Variants in HARBI1 observed in about 807,000 individuals in gnomAD.
The protein encoded by HARBI1 is harbinger transposase derived 1, also known as putative nuclease HARBI1.
A neutral mutation model predicts 25.3 loss-of-function variants in HARBI1; 15 were observed. That is an observed-to-expected ratio of 0.59 (90% CI 0.40 to 0.91). HARBI1 has a LOEUF of 0.91. Ranked by LOEUF, HARBI1 falls within the 40% of genes least tolerant of loss-of-function variation. The probability of loss-of-function intolerance (pLI) is 0.00; values close to 1 mark genes in which losing one functional copy is unlikely to be tolerated. For missense variants in HARBI1, 396 were observed against 445.8 expected (o/e 0.89, Z 1.01); for synonymous variants, 168 against 160.5 (o/e 1.05, Z -0.35).
intron 2 of HARBI1, among the ~76,000 whole-genome samples, chr11:46,612,225 C>G (rs147643436): frequency 0.01 from 1,527 of 152,036 alleles, 8 homozygotes; most frequent in Non-Finnish European, 0.016. Flanking sequence ...GTATTATGAG[C>G]CTGGGCTGAG....
intron 2 of HARBI1, among the ~76,000 whole-genome samples, chr11:46,606,557 G>A (rs919890135): frequency 3.3e-5 from 5 of 151,458 alleles, no homozygotes; most frequent in African/African-American, 9.7e-5. Flanking sequence ...CAGATGATCC[G>A]CTCCCTTTGG....
At chr11:46,611,004 C>CTTTTTTTT (rs1308203480) in intron 2 of HARBI1, among the ~76,000 whole-genome samples, 1 of 106,958 alleles carries the variant, frequency 9.3e-6, no homozygotes, top group African/African-American at 3.9e-5. Context: ...TTATTTAACT[C>CTTTTTTTT]TTTTTTTTTT....
At position 46,616,089 on chromosome 11, in the gene HARBI1, A is replaced by C; in HGVS notation, c.149T>G (p.Val50Gly). The C allele has an allele frequency of 6.2e-7, 1 of 1,614,208 alleles. No individual in the cohort carries two copies. Among genetic ancestry groups the C allele is most frequent in the Non-Finnish European group, 8.5e-7 (1 of 1,180,040 alleles). Reference protein sequence around the residue: ...GFPRQFIYYLVELLGANLSRP... With the variant: ...GFPRQFIYYLGELLGANLSRP... ...AGAAAGATTCGCCCCCAAGAGCTCC[A>C]CCAAGTAATAAATGAACTGCCGTGG... The change falls in exon 2 of 3, where the codon GTG becomes GGG. Residue 50 changes from valine to glycine, a missense_variant. Coordinates refer to ENST00000326737, the MANE Select transcript of HARBI1 (RefSeq NM_173811.4).
chr11:46,605,907 T>G (rs1210790907), intron 2 of HARBI1, among the ~76,000 whole-genome samples: 8 of 151,544 alleles, frequency 5.3e-5, no homozygotes, highest in African/African-American at 1.5e-4. Context: ...TTGTTTGTTT[T>G]TTTGAGAGTC....
At chr11:46,608,866 C>T (rs369166818) in intron 2 of HARBI1, among the ~76,000 whole-genome samples, 22 of 151,366 alleles carry the variant, frequency 1.5e-4, no homozygotes, top group Admixed American at 4.0e-4. Context: ...CTGCCTGCCT[C>T]GGCCTCCCAA....
intron 2 of HARBI1, among the ~76,000 whole-genome samples, chr11:46,611,403 T>C (rs1057054850): frequency 6.6e-6 from 1 of 152,168 alleles, no homozygotes; most frequent in Admixed American, 6.5e-5. Flanking sequence ...GGCTAAGTTT[T>C]AGCTGGCTTA....
At position 46,603,863 on chromosome 11, in the gene HARBI1, G is replaced by A. The variant is rs1262300134; in HGVS notation, c.717C>T (p.His239=). Residue 239 remains histidine, a synonymous_variant, in exon 3 of 3, where the codon CAC becomes CAT. Coordinates refer to ENST00000326737, the MANE Select transcript of HARBI1 (RefSeq NM_173811.4). ...GATATTCTGCTGGAGTTTCAGGAAT[G>A]TGAAGTGGGGTCATGAGCCAGGTTC... ...FLRTWLMTPL[H]IPETPAEYRY... The A allele has an allele frequency of 6.2e-7, 1 of 1,613,896 alleles. No homozygotes were observed. The highest frequency in any genetic ancestry group is 2.2e-5 in the East Asian group (1 of 44,908).
chr11:46,611,326 G>A (rs1170065941), intron 2 of HARBI1, among the ~76,000 whole-genome samples: 1 of 152,126 alleles, frequency 6.6e-6, no homozygotes. Context: ...CTCTTAAAGA[G>A]TTTTTATAAG....
At chr11:46,612,402 AAAAC>A (rs1211249854) in intron 2 of HARBI1, among the ~76,000 whole-genome samples, 2 of 152,174 alleles carry the variant, frequency 1.3e-5, no homozygotes, top group African/African-American at 4.8e-5. Flanking sequence ...CATTAAAAAA[AAAAC>A]AAACCCAAAA....
In HARBI1 at chr11:46,616,288, A is replaced by G. The variant is rs2045456820; in HGVS notation, c.-51T>C. On this transcript the variant is annotated 5_prime_UTR_variant, in exon 2 of 3. Transcript: ENST00000326737. ...CTTTGCTTTTTCTGAACTGTTCCCA[A>G]TGAAGATGTTGGTGCAAGAACGTAT... is the stretch of plus-strand genomic sequence containing the variant. The G allele has an allele frequency of 3.9e-6, 6 of 1,551,130 alleles. No homozygotes were observed. The highest frequency in any genetic ancestry group is 3.4e-4 in the Middle Eastern group (2 of 5,806).
upstream of HARBI1, chr11:46,617,445 A>T (rs560142974): frequency 1.1e-5 from 2 of 187,770 alleles, no homozygotes; most frequent in Admixed American, 1.2e-4. Flanking sequence ...ACTTTTATGG[A>T]TATTTTGAGG....
chr11:46,616,097 A>C lies in HARBI1; in HGVS notation c.141T>G (p.Tyr47Ter). 1.2e-6 allele frequency: 2 copies of C among 1,614,222 alleles called. No homozygotes were observed. Among genetic ancestry groups the C allele is most frequent in the South Asian group, 2.2e-5 (2 of 91,090 alleles). Residue 47 changes from tyrosine to a stop codon, truncating the protein, a stop_gained, in exon 2 of 3, where the codon TAT (tyrosine) becomes TAG (stop). Transcript: ENST00000326737. LOFTEE classifies it high-confidence loss of function. ...TCGCCCCCAAGAGCTCCACCAAGTA[A>C]TAAATGAACTGCCGTGGAAACCCAT... The part of the protein sequence containing the change: ...SMYGFPRQFI[Y>*]YLVELLGANL...
Position 46,616,069 on chromosome 11 carries a change from G to A in HARBI1, c.169C>T (p.Leu57Phe). 2.5e-6 allele frequency: 4 copies of A among 1,614,200 alleles called. No homozygotes were observed. The highest frequency in any genetic ancestry group is 3.4e-6 in the Non-Finnish European group (4 of 1,180,036). Residue 57 changes from leucine to phenylalanine, a missense_variant, in exon 2 of 3, where the codon CTT becomes TTT. By Grantham distance (22) the Leu-to-Phe change is conservative. Coordinates refer to ENST00000326737, the MANE Select transcript of HARBI1 (RefSeq NM_173811.4). ...YYLVELLGAN[L>F]SRPTQRSRAI... ...CTGGATCGCTGAGTAGGCCTAGAAA[G>A]ATTCGCCCCCAAGAGCTCCACCAAG...
chr11:46,617,732 C>T, upstream of HARBI1: 1 of 398,242 alleles, frequency 2.5e-6, no homozygotes, highest in East Asian at 3.6e-5. Flanking sequence ...GGCCTGCGAG[C>T]CAGGACCCTT....
At position 46,603,794 on chromosome 11, in the gene HARBI1, C is replaced by G. The variant is rs1418347532; in HGVS notation, c.786G>C (p.Lys262Asn). 6.2e-7 allele frequency: 1 copy of G among 1,614,026 alleles called. No individual in the cohort carries two copies. Among genetic ancestry groups the G allele is most frequent in the Non-Finnish European group, 8.5e-7 (1 of 1,180,038 alleles). Residue 262 changes from lysine to asparagine, a missense_variant, in exon 3 of 3, where the codon AAG becomes AAC. Lys to Asn is a moderately conservative substitution (Grantham distance 94, BLOSUM62 0). Transcript: ENST00000326737. ...AHSATHSVIEKTFRTLCSRFR... is the reference protein window; with the variant it reads ...AHSATHSVIENTFRTLCSRFR... ...ATCGGGAGCAGAGGGTTCGGAAAGT[C>G]TTCTCAATCACACTGTGAGTTGCAG...
Position 46,603,698 on chromosome 11 carries a change from G to A in HARBI1, c.882C>T (p.Ala294=), listed in dbSNP as rs758160529. 1.9e-6 allele frequency: 3 copies of A among 1,614,052 alleles called. No homozygotes were observed. The highest frequency in any genetic ancestry group is 1.3e-5 in the African/African-American group (1 of 74,934). The change falls in exon 3 of 3, where the codon GCC becomes GCT. Residue 294 remains alanine, a synonymous_variant. Transcript: ENST00000326737. ...SPEKSSHIIL[A]CCVLHNISLE... is the part of the protein sequence containing the mutation. ...GGGAGATGTTGTGGAGGACACAACA[G>A]GCCAAGATGATATGGCTGGATTTCT...
Position 46,616,342 on chromosome 11 carries a change from T to C in HARBI1, c.-105A>G. 1 of 1,492,516 alleles carries C rather than the reference T, an allele frequency of 6.7e-7. No individual in the cohort carries two copies. The allele number at this position is 1,492,516 out of a possible 1,614,324, so 92.5% of individuals were successfully genotyped here. On this transcript the variant is annotated 5_prime_UTR_variant, in exon 2 of 3. It removes the in-frame stop codon of an upstream open reading frame in the 5' UTR. Coordinates refer to ENST00000326737, the MANE Select transcript of HARBI1 (RefSeq NM_173811.4). Reference sequence around the variant, plus strand: ...TAAGAAAGTATCAGAATCCAACAGCTAACCACAGTTAAATGGCTCTGCCAT... The same window carrying C: ...TAAGAAAGTATCAGAATCCAACAGCCAACCACAGTTAAATGGCTCTGCCAT...
intron 2 of HARBI1, 54 bp downstream of exon 2, chr11:46,615,514 A>C (rs1020650385): frequency 1.3e-6 from 2 of 1,495,850 alleles, no homozygotes; most frequent in African/African-American, 1.4e-5. Flanking sequence ...CCCCCAGCCT[A>C]CATAACTTTT....
At position 46,603,097 on chromosome 11, in the gene HARBI1, G is replaced by T. The variant is rs559946083; in HGVS notation, c.*433C>A. ...TGAACTCAGGTGATCCGCCCGCCTCGGCCTCCCAAAGTGCTGGGATTACAG... is the reference window on the plus strand; with the variant it reads ...TGAACTCAGGTGATCCGCCCGCCTCTGCCTCCCAAAGTGCTGGGATTACAG... On this transcript the variant is annotated 3_prime_UTR_variant, in exon 3 of 3. Coordinates refer to ENST00000326737, the MANE Select transcript of HARBI1 (RefSeq NM_173811.4). The T allele has an allele frequency of 6.5e-6, 1 of 153,502 alleles. No homozygotes were observed. Among genetic ancestry groups the T allele is most frequent in the Non-Finnish European group, 1.4e-5 (1 of 69,096 alleles). 9.5% of individuals were successfully genotyped at this position (153,502 alleles called of 1,614,324 possible).
Sources: allele counts gnomAD v4.1 joint callset (sites outside exome capture counted in the v4.1 genomes callset), GRCh38; gene constraint gnomAD v4.1.1; transcripts MANE v1.5; gene names NCBI Gene and HGNC (gene_info 2026-07-23, HGNC 2026-07-21).